The following IGHMBP2 variants were observed in gnomAD, a reference collection of about 807,000 sequenced individuals.
The protein encoded by IGHMBP2 is immunoglobulin mu DNA binding protein 2.
A neutral mutation model predicts 96.0 loss-of-function variants in IGHMBP2; 81 were observed. That is an observed-to-expected ratio of 0.84 (90% confidence interval 0.71 to 1.01). IGHMBP2 has a LOEUF of 1.01. IGHMBP2 is among the 50% of genes least tolerant of loss of function. IGHMBP2 has a pLI of 0.00. For missense variants in IGHMBP2, 1,227 were observed against 1,306.3 expected, an observed-to-expected ratio of 0.94 and a Z score of 0.94; for synonymous variants, 557 against 548.9, an observed-to-expected ratio of 1.01 and a Z score of -0.21.
intron 10 of IGHMBP2, chr11:68,934,210 T>C: frequency 1.6e-6 from 1 of 616,546 alleles, no homozygotes; most frequent in Non-Finnish European, 2.9e-6. Context: ...GACACCACCA[T>C]CTCCCCAGTT....
intron 4 of IGHMBP2, among the ~76,000 whole-genome samples, chr11:68,910,323 G>A (rs1477790367): frequency 2.6e-5 from 4 of 152,176 alleles, no homozygotes; most frequent in Non-Finnish European, 4.4e-5. Context: ...GTCACAAACT[G>A]AATTAGAAAT....
intron 11 of IGHMBP2, 109 bp from the exon 12 acceptor site, chr11:68,935,190 C>T: frequency 2.1e-6 from 3 of 1,461,256 alleles, no homozygotes; most frequent in Non-Finnish European, 2.8e-6. Context: ...GCTCCGCTTC[C>T]CAGGTCCTGG....
chr11:68,922,781 G>A (rs1858927881), intron 7 of IGHMBP2, among the ~76,000 whole-genome samples: 2 of 152,184 alleles, frequency 1.3e-5, no homozygotes, highest in African/African-American at 4.8e-5. Context: ...GTTAACTATA[G>A]ACGTCGTGTT....
chr11:68,929,241 C>G lies in IGHMBP2; in HGVS notation c.1119C>G (p.Val373=). The change falls in exon 8 of 15, where the codon GTC becomes GTG. Residue 373 remains valine (V), a synonymous_variant. Coordinates refer to ENST00000255078, the MANE Select transcript of IGHMBP2 (RefSeq NM_002180.3). ...CCGAGAGCTACTTCGACGTGGTGGT[C>G]ATTGACGAGTGTGCCCAGGCCCTCG... is the stretch of plus-strand genomic sequence containing the variant. The part of the protein sequence containing the change: ...LLPESYFDVV[V]IDECAQALEA... 6.2e-7 allele frequency: 1 copy of G among 1,613,908 alleles called. No individual in the cohort carries two copies. The highest frequency in any genetic ancestry group is 8.5e-7 in the Non-Finnish European group (1 of 1,180,018).
At chr11:68,930,412 G>C (rs920434041) in intron 8 of IGHMBP2, 1 of 1,289,626 alleles carries the variant, frequency 7.8e-7, no homozygotes, top group Non-Finnish European at 1.0e-6. Context: ...TCACAGGGGC[G>C]TGGGCAGCCC....
At position 68,929,193 on chromosome 11, in the gene IGHMBP2, C is replaced by T. The variant is rs755300047; in HGVS notation, c.1071C>T (p.Ala357=). ...CCCTGTTTCCACCAGGTGCGTCTGC[C>T]GATGGCCCCCTGAAGTTGCTGCCCG... ...VVLATNTGAS[A]DGPLKLLPES... The change falls in exon 8 of 15, where the codon GCC becomes GCT. Residue 357 remains alanine (A), a synonymous_variant. Coordinates refer to ENST00000255078, the MANE Select transcript of IGHMBP2 (RefSeq NM_002180.3). 8.1e-6 allele frequency: 13 copies of T among 1,612,846 alleles called. No individual in the cohort carries two copies. Among genetic ancestry groups the T allele is most frequent in the African/African-American group, 5.3e-5 (4 of 74,910 alleles).
rs570183639 is a variant in IGHMBP2 at position 68,911,794 on chromosome 11, G to A, written c.711+191G>A. ...TCCCCGTGAGTCTTGGGGAGCACGC[G>A]CAGGAGCCGTAGCCTGGGTTGTTGA... On this transcript the variant is annotated intron_variant, in intron 5 of 14. Transcript: ENST00000255078. 1.1e-4 allele frequency among the ~76,000 whole-genome samples: 17 copies of A among 152,382 alleles called. No individual in the cohort carries two copies. In the East Asian group the frequency reaches 1.5e-3, roughly 14 times the overall value.
chr11:68,939,577 G>T lies in IGHMBP2; in HGVS notation c.2828G>T (p.Arg943Ile), dbSNP rs779871930. The T allele has an allele frequency of 3.7e-6, 6 of 1,612,950 alleles. No individual in the cohort carries two copies. The highest frequency in any genetic ancestry group is 2.2e-5 in the East Asian group (1 of 44,900). ...GERARAHARQ[R>I]ISREGVLYAG... ...AGGGCTCGCGCCCATGCCCGGCAGA[G>T]AATCAGCCGGGAAGGGGTCCTCTAT... is the stretch of plus-strand genomic sequence containing the variant. Residue 943 changes from arginine to isoleucine, a missense_variant, in exon 15 of 15, where the codon AGA (arginine) becomes ATA (isoleucine). Physicochemically the swap from Arg to Ile is moderately conservative, Grantham distance 97. This residue lies in a region of IGHMBP2 where 703 missense variants were observed against 770.3 expected (regional missense o/e 0.91). Coordinates refer to ENST00000255078, the MANE Select transcript of IGHMBP2 (RefSeq NM_002180.3).
At chr11:68,933,604 T>C (rs996922767) in intron 9 of IGHMBP2, 123 bp downstream of exon 9, 53 of 1,295,640 alleles carry the variant, frequency 4.1e-5, no homozygotes, top group Non-Finnish European at 5.6e-5. Flanking sequence ...TGAGGCTAGC[T>C]TTTTGGAAGA....
chr11:68,933,590 A>T lies in IGHMBP2; in HGVS notation c.1418+109A>T, dbSNP rs1455138208. ...AGTGAAGCTTTCTGCATGAAAGTCG[A>T]CTCTGAGGCTAGCTTTTTGGAAGAG... On this transcript the variant is annotated intron_variant, in intron 9 of 14. Transcript: ENST00000255078. 4 of 1,369,680 alleles carry T rather than the reference A, an allele frequency of 2.9e-6. No homozygotes were observed. The African/African-American group carries it at 5.8e-5, about 20-fold the overall frequency. The allele number at this position is 1,369,680 out of a possible 1,614,324, so 84.8% of individuals were successfully genotyped here. A position where few individuals can be genotyped will look rare whatever the true frequency, so the allele number is the denominator to read the frequency against.
intron 11 of IGHMBP2, 77 bp from the exon 12 acceptor site, chr11:68,935,222 T>C: frequency 6.3e-7 from 1 of 1,584,696 alleles, no homozygotes; most frequent in South Asian, 1.1e-5. Context: ...CGTGAGGCCC[T>C]CTGCTGAGCT....
rs71043470 is a variant in IGHMBP2 at position 68,915,166 on chromosome 11, C to CTTT, written c.912+171_912+173dup. The CTTT allele has an allele frequency of 4.7e-3, 956 of 205,464 alleles. 41 individuals carry two copies. The highest frequency in any genetic ancestry group is 9.0e-3 in the African/African-American group (163 of 18,186). 12.7% of individuals were successfully genotyped at this position (205,464 alleles called of 1,614,324 possible). A position where few individuals can be genotyped will look rare whatever the true frequency, so the allele number is the denominator to read the frequency against. ...TAATAATTTTAAAAATTGGGCTGCCCTTTTTTTTTTTTTTTTTTTTTTTTT... is the reference window on the plus strand; with the variant it reads ...TAATAATTTTAAAAATTGGGCTGCCCTTTTTTTTTTTTTTTTTTTTTTTTTTTT... On this transcript the variant is annotated intron_variant, in intron 6 of 14. Coordinates refer to ENST00000255078, the MANE Select transcript of IGHMBP2 (RefSeq NM_002180.3).
At chr11:68,907,175 C>T (rs867733728) in intron 2 of IGHMBP2, among the ~76,000 whole-genome samples, 1 of 152,184 alleles carries the variant, frequency 6.6e-6, no homozygotes, top group South Asian at 2.1e-4. Context: ...GCAGGAGGAT[C>T]GCTTGAACCT....
At chr11:68,910,261 C>T (rs1858378639) in intron 4 of IGHMBP2, among the ~76,000 whole-genome samples, 1 of 152,348 alleles carries the variant, frequency 6.6e-6, no homozygotes, top group East Asian at 1.9e-4. Flanking sequence ...AATGCAGTCA[C>T]ATTTCAGTAA....
intron 7 of IGHMBP2, among the ~76,000 whole-genome samples, chr11:68,922,611 C>T (rs896906852): frequency 9.2e-5 from 14 of 152,092 alleles, no homozygotes; most frequent in African/African-American, 3.4e-4. Flanking sequence ...GGCCAGGCTG[C>T]TCTCGAACTC....
chr11:68,936,326 A>G lies in IGHMBP2; in HGVS notation c.1846A>G (p.Thr616Ala), dbSNP rs1859525554. The G allele has an allele frequency of 1.2e-6, 2 of 1,614,084 alleles. No homozygotes were observed. Among genetic ancestry groups the G allele is most frequent in the Non-Finnish European group, 1.7e-6 (2 of 1,180,038 alleles). The change falls in exon 13 of 15, where the codon ACT (threonine) becomes GCT (alanine). Residue 616 changes from threonine (T) to alanine (A), a missense_variant. Coordinates refer to ENST00000255078, the MANE Select transcript of IGHMBP2 (RefSeq NM_002180.3). Reference protein sequence around the residue: ...RHVAVICDSRTVNNHAFLKTL... With the variant: ...RHVAVICDSRAVNNHAFLKTL... ...CGTGGCGGTCATCTGTGACTCCCGT[A>G]CTGTCAACAACCATGCATTTTTGAA...
chr11:68,928,818 T>C (rs908048607), intron 7 of IGHMBP2, among the ~76,000 whole-genome samples: 8 of 150,054 alleles, frequency 5.3e-5, no homozygotes, highest in African/African-American at 1.5e-4. Context: ...GTTCTGTATG[T>C]CCAAGAAAGT....
intron 6 of IGHMBP2, among the ~76,000 whole-genome samples, chr11:68,917,167 C>T (rs1386219819): frequency 6.6e-6 from 1 of 151,784 alleles, no homozygotes; most frequent in African/African-American, 2.4e-5. Flanking sequence ...TTAGTAGAGA[C>T]AGCGTTTCAC....
At chr11:68,929,517 G>A (rs891938103) in intron 8 of IGHMBP2, among the ~76,000 whole-genome samples, 160 bp downstream of exon 8, 5 of 152,182 alleles carry the variant, frequency 3.3e-5, no homozygotes, top group African/African-American at 9.7e-5. Context: ...TCATCTCAAC[G>A]TCGCATCTGT....
Sources: allele counts gnomAD v4.1 joint callset (sites outside exome capture counted in the v4.1 genomes callset), GRCh38; gene constraint gnomAD v4.1.1; regional missense constraint gnomAD v4.1.1; transcripts MANE v1.5; gene names NCBI Gene and HGNC (gene_info 2026-07-23, HGNC 2026-07-21).